The following KLF12 variants were observed in gnomAD, a reference collection of about 807,000 sequenced individuals.
The protein encoded by KLF12 is Krueppel-like factor 12.
A neutral mutation model predicts 37.8 loss-of-function variants in KLF12; 9 were observed. The observed-to-expected ratio is 0.24, with a 90% CI of 0.14 to 0.42. KLF12 has a LOEUF of 0.42. Among genes scored for constraint, KLF12 ranks in the 10% least tolerant of loss-of-function variants. The probability of loss-of-function intolerance (pLI) is 1.00; values close to 1 mark genes in which losing one functional copy is unlikely to be tolerated. For synonymous variants in KLF12, 208 were observed against 202.1 expected (o/e 1.03, Z -0.25); for missense variants, 411 against 516.0 (o/e 0.80, Z 1.97).
At chr13:74,125,281 T>C (rs1232485434) in intron 1 of KLF12, among the ~76,000 whole-genome samples, 4 of 152,102 alleles carry the variant, frequency 2.6e-5, no homozygotes, top group Non-Finnish European at 5.9e-5. Flanking sequence ...ACTAAAACCC[T>C]GAAACCTCAA....
intron 3 of KLF12, among the ~76,000 whole-genome samples, chr13:73,855,942 G>A (rs1441575953): frequency 2.0e-5 from 3 of 152,178 alleles, no homozygotes; most frequent in Non-Finnish European, 4.4e-5. Context: ...AGGTAAAGGA[G>A]TATACAGTCA....
In KLF12 at chr13:73,846,127, C is replaced by T. The variant is rs1234877447; in HGVS notation, c.370G>A (p.Ala124Thr). The change falls in exon 4 of 8, where the codon GCC (alanine) becomes ACC (threonine). Residue 124 changes from alanine to threonine, a missense_variant. Coordinates refer to ENST00000377669, the MANE Select transcript of KLF12 (RefSeq NM_007249.5). Reference sequence around the variant, plus strand: ...GATGTGATAACAGTTGGGGATGAGGCTAGACGACTAGAAGACGATGAAGAG... The same window carrying T: ...GATGTGATAACAGTTGGGGATGAGGTTAGACGACTAGAAGACGATGAAGAG... 1 of 1,614,054 alleles carries T rather than the reference C, an allele frequency of 6.2e-7. No individual in the cohort carries two copies. The highest frequency in any genetic ancestry group is 1.7e-5 in the Admixed American group (1 of 60,000).
In KLF12 at chr13:73,863,367, C is replaced by G. The variant is rs144982650; in HGVS notation, c.124-16994G>C. Among the ~76,000 whole-genome samples the G allele has an allele frequency of 1.6e-3, 243 of 152,156 alleles. 2 individuals carry two copies. The highest frequency in any genetic ancestry group is 3.1e-3 in the Admixed American group (47 of 15,278). On this transcript the variant is annotated intron_variant, in intron 3 of 7. Transcript: ENST00000377669. Reference sequence around the variant, plus strand: ...GGATTCCAACAGACAGGTTTGTGTACTGGTTCTGCTCTTGTTCCGTGACCA... The same window carrying G: ...GGATTCCAACAGACAGGTTTGTGTAGTGGTTCTGCTCTTGTTCCGTGACCA...
At chr13:74,252,946 T>C in the KLF12 span, among the ~76,000 whole-genome samples, 1 of 152,160 alleles carries the variant, frequency 6.6e-6, no homozygotes, top group African/African-American at 2.4e-5. Context: ...TTTAAAAGCC[T>C]TGGAATCCAT....
intron 5 of KLF12, among the ~76,000 whole-genome samples, chr13:73,767,407 C>G (rs1377895933): frequency 6.6e-6 from 1 of 152,272 alleles, no homozygotes; most frequent in Admixed American, 6.5e-5. Context: ...CACACAGGCT[C>G]GATTACTGCT....
chr13:74,064,340 T>C (rs1328112657), intron 1 of KLF12, among the ~76,000 whole-genome samples: 7 of 152,226 alleles, frequency 4.6e-5, no homozygotes, highest in African/African-American at 1.7e-4. Context: ...ACCTTGCATG[T>C]AGCAGGTATT....
intron 3 of KLF12, among the ~76,000 whole-genome samples, chr13:73,911,142 T>C (rs1888549751): frequency 6.6e-6 from 1 of 152,208 alleles, no homozygotes; most frequent in South Asian, 2.1e-4. Context: ...AGGTGATTGA[T>C]ATATTAGTTT....
At chr13:74,213,862 C>G in the KLF12 span, among the ~76,000 whole-genome samples, 1 of 152,058 alleles carries the variant, frequency 6.6e-6, no homozygotes, top group Non-Finnish European at 1.5e-5. Flanking sequence ...TTTTCTAATG[C>G]TGTTTTTTAA....
At chr13:74,042,743 C>T (rs1029097198) in intron 1 of KLF12, among the ~76,000 whole-genome samples, 6 of 152,116 alleles carry the variant, frequency 3.9e-5, no homozygotes, top group Admixed American at 2.0e-4. Flanking sequence ...TAAATATTTG[C>T]AATGTGTCAT....
At chr13:73,885,576 G>T (rs1332711820) in intron 3 of KLF12, among the ~76,000 whole-genome samples, 1 of 152,194 alleles carries the variant, frequency 6.6e-6, no homozygotes, top group Non-Finnish European at 1.5e-5. Context: ...TCACACAAAA[G>T]TTTAGTGACA....
At chr13:74,235,041 C>A in the KLF12 span, among the ~76,000 whole-genome samples, 1 of 152,004 alleles carries the variant, frequency 6.6e-6, no homozygotes, top group Non-Finnish European at 1.5e-5. Flanking sequence ...TGCAAGAAAC[C>A]AAAATGGACT....
At position 74,060,484 on chromosome 13, in the gene KLF12, TTGTGTGTGTGTG is replaced by T. The variant is rs60242793; in HGVS notation, c.-31-65443_-31-65432del. Among the ~76,000 whole-genome samples, 726 of 108,612 alleles carry T rather than the reference TTGTGTGTGTGTG, an allele frequency of 6.7e-3. 5 individuals are homozygous for T. Among genetic ancestry groups the T allele is most frequent in the East Asian group, 0.012 (51 of 4,166 alleles). 71.3% of individuals were successfully genotyped at this position (108,612 alleles called of 152,430 possible). The stretch of plus-strand genomic sequence containing the variant: ...CCGTGGTTAAATGTATACCTAGGTT[TTGTGTGTGTGTG>T]TGTGTGTGTGTGTGTGTGTGTGTGT... On this transcript the variant is annotated intron_variant, in intron 1 of 7. Coordinates refer to ENST00000377669, the MANE Select transcript of KLF12 (RefSeq NM_007249.5).
chr13:73,896,725 A>G (rs765862535), intron 3 of KLF12, among the ~76,000 whole-genome samples: 10 of 152,250 alleles, frequency 6.6e-5, no homozygotes, highest in Middle Eastern at 6.8e-3. Context: ...CTAAAACCTA[A>G]AAACTCTTTT....
At chr13:74,278,523 A>G in the KLF12 span, among the ~76,000 whole-genome samples, 2 of 152,222 alleles carry the variant, frequency 1.3e-5, no homozygotes, top group Non-Finnish European at 2.9e-5. Flanking sequence ...CCAAGCTAGA[A>G]TCAAGGCACC....
intron 1 of KLF12, among the ~76,000 whole-genome samples, chr13:74,082,165 A>AAAAAAATAAAAAAATAAAAAAT (rs1279559733): frequency 6.8e-6 from 1 of 146,500 alleles, no homozygotes; most frequent in African/African-American, 2.5e-5. Context: ...CTGTCTCTTA[A>AAAAAAATAAAAAAATAAAAAAT]AAAAAAAAAA....
chr13:74,071,413 G>A (rs377099595), intron 1 of KLF12, among the ~76,000 whole-genome samples: 11 of 152,242 alleles, frequency 7.2e-5, no homozygotes, highest in African/African-American at 2.2e-4. Context: ...GGGGCCGGGC[G>A]CAGTGGCTTC....
At chr13:74,277,243 T>C in the KLF12 span, among the ~76,000 whole-genome samples, 2 of 152,232 alleles carry the variant, frequency 1.3e-5, no homozygotes, top group Non-Finnish European at 2.9e-5. Flanking sequence ...ACCTCATCTC[T>C]GCACTTTCTC....
At chr13:73,914,526 G>GA (rs1204215699) in intron 3 of KLF12, among the ~76,000 whole-genome samples, 2 of 137,914 alleles carry the variant, frequency 1.5e-5, no homozygotes, top group East Asian at 1.9e-4. Flanking sequence ...TAAAGTTACA[G>GA]AAAAAAACAA....
At chr13:73,903,094 A>AT (rs1314554056) in intron 3 of KLF12, among the ~76,000 whole-genome samples, 2 of 152,234 alleles carry the variant, frequency 1.3e-5, no homozygotes, top group South Asian at 4.1e-4. Context: ...AAGACATTAT[A>AT]TTTTTTCATC....
Sources: gnomAD v4.1 joint callset for allele counts (sites outside exome capture counted in the v4.1 genomes callset) on GRCh38, gnomAD v4.1.1 for gene constraint, MANE v1.5 for transcripts, NCBI Gene and HGNC (gene_info 2026-07-23, HGNC 2026-07-21) for gene names.